The following NFIC variants were observed in gnomAD, a reference collection of about 807,000 sequenced individuals.
The protein encoded by NFIC is nuclear factor 1 C-type.
Under a neutral mutation model 54.4 loss-of-function variants are expected in NFIC, and 12 were observed. The ratio of observed to expected loss-of-function variants is 0.22; its 90% CI spans 0.14 to 0.36. The LOEUF (loss-of-function observed/expected upper bound fraction) is 0.36. Ranked by LOEUF, NFIC falls within the 10% of genes least tolerant of loss-of-function variation. NFIC has a pLI of 1.00. For synonymous variants in NFIC, 322 were observed against 319.2 expected, an observed-to-expected ratio of 1.01 and a Z score of -0.09; for missense variants, 575 against 718.2, an observed-to-expected ratio of 0.80 and a Z score of 2.28.
At chr19:3,449,736 G>A (rs2082429386) in intron 7 of NFIC, among the ~76,000 whole-genome samples, 1 of 147,948 alleles carries the variant, frequency 6.8e-6, no homozygotes, top group African/African-American at 2.6e-5. Flanking sequence ...CTCCAGCCTG[G>A]GCAACAGAGT....
At chr19:3,364,889 C>T (rs1291798229), upstream of NFIC, among the ~76,000 whole-genome samples, 1 of 152,176 alleles carries the variant, frequency 6.6e-6, no homozygotes, top group Admixed American at 6.5e-5. Flanking sequence ...AAATAAATTG[C>T]TTCACGTTAT....
In NFIC at chr19:3,375,462, C is replaced by T. The variant is rs933165311; in HGVS notation, c.31-6250C>T. ...GCTGTGTGACCCTGGACAAACCACT[C>T]CCCATCTCTGGGTCTCATCCAGTCA... On this transcript the variant is annotated intron_variant, in intron 1 of 10. Coordinates refer to ENST00000443272, the MANE Select transcript of NFIC (RefSeq NM_001245002.2). The surrounding 1 kb of genome is among the most constrained non-coding windows in gnomAD (Gnocchi z 4.6). Among the ~76,000 whole-genome samples the T allele has an allele frequency of 1.3e-5, 2 of 152,212 alleles. No homozygotes were observed. Among genetic ancestry groups the T allele is most frequent in the African/African-American group, 4.8e-5 (2 of 41,468 alleles).
intron 6 of NFIC, among the ~76,000 whole-genome samples, chr19:3,442,281 TG>T (rs772396786): frequency 1.8e-4 from 28 of 152,170 alleles, no homozygotes; most frequent in East Asian, 1.4e-3. Context: ...AGCTCCCCCT[TG>T]AAGGCGACAA....
At chr19:3,372,800 T>C (rs957934966) in intron 1 of NFIC, among the ~76,000 whole-genome samples, 1 of 150,526 alleles carries the variant, frequency 6.6e-6, no homozygotes, top group African/African-American at 2.5e-5. Context: ...TGCCTCAGTC[T>C]CCTCCTCGAG....
At chr19:3,441,831 T>C (rs1599698725) in intron 6 of NFIC, among the ~76,000 whole-genome samples, 1 of 152,150 alleles carries the variant, frequency 6.6e-6, no homozygotes, top group South Asian at 2.1e-4. Context: ...CTCCCGAAGG[T>C]GCCCTTGGCC....
intron 3 of NFIC, 130 bp downstream of exon 3, chr19:3,425,307 G>A (rs1201424597): frequency 2.6e-5 from 28 of 1,080,030 alleles, no homozygotes; most frequent in Non-Finnish European, 3.5e-5. Context: ...GAGGTTAAGG[G>A]GCCTGTCCAG....
chr19:3,448,221 C>T (rs1188743502), intron 6 of NFIC, among the ~76,000 whole-genome samples: 3 of 152,266 alleles, frequency 2.0e-5, no homozygotes, highest in African/African-American at 2.4e-5. Flanking sequence ...TACAGGCACC[C>T]GCCACCACAC....
At chr19:3,380,584 C>G (rs1431157044) in intron 1 of NFIC, among the ~76,000 whole-genome samples, 2 of 148,916 alleles carry the variant, frequency 1.3e-5, no homozygotes, top group Non-Finnish European at 3.0e-5. Context: ...CTGCTTCGGT[C>G]TCCCAAAGTG....
chr19:3,386,068 C>A (rs1359849714), intron 2 of NFIC, among the ~76,000 whole-genome samples: 2 of 151,458 alleles, frequency 1.3e-5, no homozygotes, highest in Non-Finnish European at 2.9e-5. Context: ...ATTCCCTGGA[C>A]ATAGAATGTC....
At chr19:3,362,076 G>A (rs75434592), upstream of NFIC, among the ~76,000 whole-genome samples, 121 of 152,290 alleles carry the variant, frequency 7.9e-4, 2 homozygotes, top group East Asian at 0.019. Flanking sequence ...TGTCCCCACC[G>A]CGTTTCTGCA....
chr19:3,381,059 C>A (rs1042407296), intron 1 of NFIC, among the ~76,000 whole-genome samples: 2 of 152,096 alleles, frequency 1.3e-5, no homozygotes, highest in Non-Finnish European at 2.9e-5. Flanking sequence ...TCCACCTGGC[C>A]CCCTTAGCTT....
At chr19:3,415,028 C>T (rs962862583) in intron 2 of NFIC, among the ~76,000 whole-genome samples, 30 of 151,852 alleles carry the variant, frequency 2.0e-4, no homozygotes, top group African/African-American at 7.0e-4. Flanking sequence ...TTGGTAGAGA[C>T]GGGGTTTCTC....
Position 3,453,693 on chromosome 19 carries a change from C to T in NFIC, c.1270-70C>T, listed in dbSNP as rs1269894567. ...TCCGGGCCGTGCACAGAGCCGGGGG[C>T]GGCCGGCGCCAGCAGCCCGAGGTAG... On this transcript the variant is annotated intron_variant, in intron 8 of 10. Transcript: ENST00000443272. This position sits in a 1 kb window ranked among gnomAD's most constrained non-coding sequence, Gnocchi z 6.7. 9.9e-6 allele frequency: 15 copies of T among 1,515,850 alleles called. No individual in the cohort carries two copies. Among genetic ancestry groups the T allele is most frequent in the Non-Finnish European group, 1.2e-5 (14 of 1,137,960 alleles). The allele number at this position is 1,515,850 out of a possible 1,614,324, so 93.9% of individuals were successfully genotyped here.
At chr19:3,433,351 A>ACGGGGCC (rs994331419) in intron 3 of NFIC, among the ~76,000 whole-genome samples, 167 bp from the exon 4 acceptor site, 1 of 152,154 alleles carries the variant, frequency 6.6e-6, no homozygotes, top group Non-Finnish European at 1.5e-5. Flanking sequence ...AGGACCCCCC[A>ACGGGGCC]CGGGGCCTTC....
At chr19:3,363,265 A>ATTTT (rs1163144146), upstream of NFIC, among the ~76,000 whole-genome samples, 4 of 48,720 alleles carry the variant, frequency 8.2e-5, no homozygotes, top group African/African-American at 3.1e-4. Flanking sequence ...ATATATATAT[A>ATTTT]TATATTTTTT....
intron 1 of NFIC, among the ~76,000 whole-genome samples, chr19:3,377,532 T>G (rs1156656540): frequency 6.6e-6 from 1 of 152,054 alleles, no homozygotes; most frequent in Non-Finnish European, 1.5e-5. Flanking sequence ...GTTTTGCTTC[T>G]CTTTCTCTTC....
intron 2 of NFIC, among the ~76,000 whole-genome samples, chr19:3,391,812 A>G (rs2081381278): frequency 6.6e-6 from 1 of 152,152 alleles, no homozygotes; most frequent in Non-Finnish European, 1.5e-5. Context: ...AAAATGTTAT[A>G]TATGTAACAA....
intron 1 of NFIC, among the ~76,000 whole-genome samples, chr19:3,380,476 C>A (rs536150299): frequency 1.6e-4 from 25 of 151,588 alleles, no homozygotes; most frequent in Middle Eastern, 3.4e-3. Context: ...CAGGTGTGCT[C>A]CAATATGCCT....
rs967295355 is a variant in NFIC, at chr19:3,382,337, C to T, written c.562+94C>T. 30 of 1,489,878 alleles carry T rather than the reference C, an allele frequency of 2.0e-5. No individual in the cohort carries two copies. The Admixed American group carries it at 2.3e-4, about 11-fold the overall frequency. The allele number at this position is 1,489,878 out of a possible 1,614,324, so 92.3% of individuals were successfully genotyped here. A position where few individuals can be genotyped will look rare whatever the true frequency, so the allele number is the denominator to read the frequency against. On this transcript the variant is annotated intron_variant, in intron 2 of 10. Coordinates refer to ENST00000443272, the MANE Select transcript of NFIC (RefSeq NM_001245002.2). Reference sequence around the variant, plus strand: ...GAGGGCCTGAGGGAGGAGGCCAGTGCGTGTGGGTATGATGTGGTGGTCTGA... The same window carrying T: ...GAGGGCCTGAGGGAGGAGGCCAGTGTGTGTGGGTATGATGTGGTGGTCTGA...
Sources: allele counts gnomAD v4.1 joint callset (sites outside exome capture counted in the v4.1 genomes callset), GRCh38; gene constraint gnomAD v4.1.1; non-coding constraint Gnocchi (gnomAD v3.1); transcripts MANE v1.5; gene names NCBI Gene and HGNC (gene_info 2026-07-23, HGNC 2026-07-21).